The following VEZT variants were observed in gnomAD, a reference collection of about 807,000 sequenced individuals.
The protein encoded by VEZT is vezatin.
In VEZT, 39 loss-of-function variants were observed where a neutral mutation model predicts 79.9. The observed-to-expected ratio is 0.49, with a 90% CI of 0.38 to 0.64. The LOEUF is 0.64. Among genes scored for constraint, VEZT ranks in the 30% least tolerant of loss-of-function variants. The pLI, the probability that VEZT is intolerant of heterozygous loss-of-function variation, is 0.00. For missense variants in VEZT, 837 were observed against 893.1 expected (o/e 0.94, Z 0.80); for synonymous variants, 325 against 327.6 (o/e 0.99, Z 0.09).
rs1182933527 is a variant in VEZT, at chr12:95,301,405, A to G, written c.*732A>G. On this transcript the variant is annotated 3_prime_UTR_variant, in exon 12 of 12. Coordinates refer to ENST00000436874, the MANE Select transcript of VEZT (RefSeq NM_017599.4). ...TCTGTACTCCAAGGCCCCACCCCCAATTTAGCAAGCAGAAAAACGTTCCTT... is the reference window on the plus strand; with the variant it reads ...TCTGTACTCCAAGGCCCCACCCCCAGTTTAGCAAGCAGAAAAACGTTCCTT... 6.6e-6 allele frequency: 1 copy of G among 152,138 alleles called. No homozygotes were observed. The highest frequency in any genetic ancestry group is 1.5e-5 in the Non-Finnish European group (1 of 68,020). The allele number at this position is 152,138 out of a possible 1,614,324, so 9.4% of individuals were successfully genotyped here. A position where few individuals can be genotyped will look rare whatever the true frequency, so the allele number is the denominator to read the frequency against.
At chr12:95,250,001 C>G (rs936026048) in intron 1 of VEZT, among the ~76,000 whole-genome samples, 2 of 149,380 alleles carry the variant, frequency 1.3e-5, no homozygotes, top group African/African-American at 2.5e-5. Context: ...CCACATAGTA[C>G]TTTAACTGTG....
chr12:95,236,046 C>CGGGTTCTT (rs1800179701), intron 1 of VEZT, among the ~76,000 whole-genome samples: 1 of 151,972 alleles, frequency 6.6e-6, no homozygotes, highest in Admixed American at 6.5e-5. Context: ...GCTGCAATCT[C>CGGGTTCTT]GGCACTTTGG....
At chr12:95,286,508 T>C in intron 8 of VEZT, 2 of 552,786 alleles carry the variant, frequency 3.6e-6, no homozygotes, top group Non-Finnish European at 7.3e-6. Context: ...GCAATTCCTC[T>C]TGGTTTGTCA....
At position 95,301,704 on chromosome 12, in the gene VEZT, A is replaced by G. The variant is rs533895073; in HGVS notation, c.*1031A>G. Reference sequence around the variant, plus strand: ...TTTTGAAACCTGTAGCTCCTATGCAATAACATAGTTCTATAGACATTATTT... The same window carrying G: ...TTTTGAAACCTGTAGCTCCTATGCAGTAACATAGTTCTATAGACATTATTT... On this transcript the variant is annotated 3_prime_UTR_variant, in exon 12 of 12. Coordinates refer to ENST00000436874, the MANE Select transcript of VEZT (RefSeq NM_017599.4). 1 of 152,360 alleles carries G rather than the reference A, an allele frequency of 6.6e-6. No individual in the cohort carries two copies. Among genetic ancestry groups the G allele is most frequent in the South Asian group, 2.1e-4 (1 of 4,828 alleles). 9.4% of individuals were successfully genotyped at this position (152,360 alleles called of 1,614,324 possible).
intron 1 of VEZT, among the ~76,000 whole-genome samples, chr12:95,235,689 G>A (rs534630961): frequency 0.1 from 14,923 of 147,404 alleles, 1,226 homozygotes; most frequent in Non-Finnish European, 0.15. Flanking sequence ...CCTCCCTCCC[G>A]GACGGGGCGG....
chr12:95,276,158 A>G (rs1256566525), intron 7 of VEZT, among the ~76,000 whole-genome samples: 1 of 152,018 alleles, frequency 6.6e-6, no homozygotes, highest in Non-Finnish European at 1.5e-5. Flanking sequence ...TTTATCTCAG[A>G]AAGTAACCAA....
intron 1 of VEZT, among the ~76,000 whole-genome samples, chr12:95,235,885 C>T (rs1409290950): frequency 6.6e-6 from 1 of 151,256 alleles, no homozygotes; most frequent in Non-Finnish European, 1.5e-5. Flanking sequence ...AGGCGCTCCC[C>T]ACATCTCAGA....
intron 7 of VEZT, among the ~76,000 whole-genome samples, chr12:95,281,011 A>T (rs575960647): frequency 3.9e-5 from 6 of 152,188 alleles, no homozygotes; most frequent in African/African-American, 1.4e-4. Context: ...TTTAAAATTC[A>T]TTTACTAAAA....
At chr12:95,252,174 A>G (rs2062712849) in intron 2 of VEZT, 103 bp downstream of exon 2, 1 of 1,247,292 alleles carries the variant, frequency 8.0e-7, no homozygotes, top group Non-Finnish European at 1.1e-6. Flanking sequence ...TCACACTGGT[A>G]AGACTATTTA....
chr12:95,289,601 G>A (rs2072161904), intron 9 of VEZT, among the ~76,000 whole-genome samples: 1 of 152,084 alleles, frequency 6.6e-6, no homozygotes, highest in African/African-American at 2.4e-5. Flanking sequence ...TTCTGTATGT[G>A]TGGCTTTTGC....
intron 1 of VEZT, chr12:95,231,365 G>A (rs2059253661): frequency 6.6e-6 from 1 of 152,132 alleles, no homozygotes; most frequent in Non-Finnish European, 1.5e-5. Context: ...CTTCTGATAG[G>A]AAAATGCTTA....
At chr12:95,233,196 CT>C (rs888949552) in intron 1 of VEZT, among the ~76,000 whole-genome samples, 11 of 148,100 alleles carry the variant, frequency 7.4e-5, no homozygotes, top group African/African-American at 1.2e-4. Context: ...TTTTCTTTTT[CT>C]TTTTTTTTTC....
At position 95,300,729 on chromosome 12, in the gene VEZT, C is replaced by A; in HGVS notation, c.*56C>A. On this transcript the variant is annotated 3_prime_UTR_variant, in exon 12 of 12. Coordinates refer to ENST00000436874, the MANE Select transcript of VEZT (RefSeq NM_017599.4). ...TTGTTCCTTTTACAAAAGTGTTTAG[C>A]TTCAAGACTGGAAAGGGAATATGAG... 6.8e-7 allele frequency: 1 copy of A among 1,481,132 alleles called. No individual in the cohort carries two copies. Among genetic ancestry groups the A allele is most frequent in the South Asian group, 1.4e-5 (1 of 70,574 alleles). 91.7% of individuals were successfully genotyped at this position (1,481,132 alleles called of 1,614,324 possible). A position where few individuals can be genotyped will look rare whatever the true frequency, so the allele number is the denominator to read the frequency against.
rs562400510 is a variant in VEZT at position 95,278,119 on chromosome 12, A to T, written c.996+3230A>T. On this transcript the variant is annotated intron_variant, in intron 7 of 11. Coordinates refer to ENST00000436874, the MANE Select transcript of VEZT (RefSeq NM_017599.4). ...TTGTTTCTGTGTTTATTAAAATGGG[A>T]TAATTGCAATGCTTGCCTCCAAAGG... is the stretch of plus-strand genomic sequence containing the variant. 7.2e-5 allele frequency among the ~76,000 whole-genome samples: 11 copies of T among 152,284 alleles called. No homozygotes were observed. In the South Asian group the frequency reaches 2.3e-3, roughly 32 times the overall value.
At chr12:95,249,080 T>C (rs943041704) in intron 1 of VEZT, among the ~76,000 whole-genome samples, 1 of 152,210 alleles carries the variant, frequency 6.6e-6, no homozygotes, top group Non-Finnish European at 1.5e-5. Flanking sequence ...CTCATTAGTT[T>C]ATGTATTGGC....
chr12:95,263,118 C>T, intron 4 of VEZT, 37 bp downstream of exon 4: 1 of 1,519,926 alleles, frequency 6.6e-7, no homozygotes, highest in Non-Finnish European at 8.9e-7. Flanking sequence ...TGACTGCTTA[C>T]ATACAGAGTA....
At chr12:95,235,985 G>A (rs1030825417) in intron 1 of VEZT, among the ~76,000 whole-genome samples, 12 of 152,092 alleles carry the variant, frequency 7.9e-5, no homozygotes, top group Non-Finnish European at 1.5e-4. Context: ...TGGGATGGCA[G>A]CCGGGCAGAG....
chr12:95,218,183 G>GC, intron 1 of VEZT: 1 of 280,250 alleles, frequency 3.6e-6, no homozygotes, highest in Non-Finnish European at 6.4e-6. Context: ...TGGATGTGCG[G>GC]CGGGGGGGAC....
intron 5 of VEZT, 137 bp from the exon 6 acceptor site, chr12:95,269,914 G>A: frequency 1.1e-6 from 1 of 944,442 alleles, no homozygotes; most frequent in Non-Finnish European, 1.6e-6. Flanking sequence ...GTTGACATAT[G>A]TATAATCATT....
Sources: gnomAD v4.1 joint callset for allele counts (sites outside exome capture counted in the v4.1 genomes callset) on GRCh38, gnomAD v4.1.1 for gene constraint, MANE v1.5 for transcripts, NCBI Gene and HGNC (gene_info 2026-07-23, HGNC 2026-07-21) for gene names.